RBM20: variants seen among roughly 807,000 people sequenced by gnomAD.
RBM20 encodes the protein RNA-binding protein 20.
A neutral mutation model predicts 110.1 loss-of-function variants in RBM20; 51 were observed. The ratio of observed to expected loss-of-function variants is 0.46; its 90% CI spans 0.37 to 0.59. The LOEUF (loss-of-function observed/expected upper bound fraction) is 0.59. Ranked by LOEUF, RBM20 falls within the 20% of genes least tolerant of loss-of-function variation. The pLI is 0.00. For synonymous variants in RBM20, 589 were observed against 618.2 expected (o/e 0.95, Z 0.70); for missense variants, 1,512 against 1,574.9 (o/e 0.96, Z 0.68).
chr10:110,812,785 C>A lies in RBM20; in HGVS notation c.2388C>A (p.Pro796=). 1.3e-6 allele frequency: 2 copies of A among 1,551,562 alleles called. No individual in the cohort carries two copies. The highest frequency in any genetic ancestry group is 1.7e-6 in the Non-Finnish European group (2 of 1,146,870). Residue 796 remains proline, a synonymous_variant, in exon 9 of 14, where the codon CCC becomes CCA. Transcript: ENST00000369519. ...DEARLRESRH[P]HPDDSGKEDG... The stretch of plus-strand genomic sequence containing the variant: ...CCAGGCTGCGGGAAAGCAGACACCC[C>A]CATCCGGATGACTCAGGCAAGGAAG...
intron 1 of RBM20, among the ~76,000 whole-genome samples, chr10:110,670,377 A>T (rs1383273197): frequency 6.6e-6 from 1 of 152,246 alleles, no homozygotes; most frequent in Admixed American, 6.5e-5. Context: ...GAAGTGAAGA[A>T]TGTGGCACAT....
intron 1 of RBM20, among the ~76,000 whole-genome samples, chr10:110,741,389 C>A (rs1229834203): frequency 1.3e-5 from 2 of 152,320 alleles, no homozygotes; most frequent in East Asian, 3.9e-4. Flanking sequence ...GGGACTGCAG[C>A]TGTTTCCACA....
intron 5 of RBM20, among the ~76,000 whole-genome samples, chr10:110,786,634 G>C (rs763016833): frequency 6.6e-6 from 1 of 152,204 alleles, no homozygotes; most frequent in South Asian, 2.1e-4. Context: ...TGGCAGCTTC[G>C]GGTCAGTCCC....
At chr10:110,799,439 T>C (rs1229648076) in intron 6 of RBM20, among the ~76,000 whole-genome samples, 1 of 152,214 alleles carries the variant, frequency 6.6e-6, no homozygotes, top group Non-Finnish European at 1.5e-5. Context: ...ATCTCTTCCT[T>C]GTGCTGACTT....
intron 1 of RBM20, among the ~76,000 whole-genome samples, chr10:110,680,422 G>A (rs531370259): frequency 6.6e-6 from 1 of 152,240 alleles, no homozygotes; most frequent in African/African-American, 2.4e-5. Context: ...CCATCTCAGG[G>A]GTTCGGTTCT....
At position 110,836,073 on chromosome 10, in the gene RBM20, C is replaced by G. The variant is rs766779799; in HGVS notation, c.*95C>G. On this transcript the variant is annotated 3_prime_UTR_variant, in exon 14 of 14. Coordinates refer to ENST00000369519, the MANE Select transcript of RBM20 (RefSeq NM_001134363.3). ...CCTGATTCTGGGGACAGGACTAAAG[C>G]CTGAGAGGAAGGAAAACCAAGCAGG... The G allele has an allele frequency of 1.3e-5, 8 of 593,534 alleles. No homozygotes were observed. The highest frequency in any genetic ancestry group is 2.4e-5 in the Non-Finnish European group (8 of 331,534). 36.8% of individuals were successfully genotyped at this position (593,534 alleles called of 1,614,324 possible). A position where few individuals can be genotyped will look rare whatever the true frequency, so the allele number is the denominator to read the frequency against.
At chr10:110,806,808 A>C (rs761986760) in intron 7 of RBM20, among the ~76,000 whole-genome samples, 5 of 152,076 alleles carry the variant, frequency 3.3e-5, no homozygotes, top group Non-Finnish European at 5.9e-5. Flanking sequence ...CTCCCATTTC[A>C]ATTTTTCTGG....
intron 1 of RBM20, among the ~76,000 whole-genome samples, chr10:110,767,481 C>G (rs1194786117): frequency 1.3e-5 from 2 of 150,692 alleles, no homozygotes; most frequent in African/African-American, 4.9e-5. Flanking sequence ...AGGGGCTCCT[C>G]ACTTCTCAGA....
At chr10:110,741,666 G>T (rs905038524) in intron 1 of RBM20, among the ~76,000 whole-genome samples, 1 of 152,080 alleles carries the variant, frequency 6.6e-6, no homozygotes, top group African/African-American at 2.4e-5. Context: ...CAACTCTGTG[G>T]CAGCCTGAAA....
At chr10:110,710,839 C>G (rs1264678855) in intron 1 of RBM20, among the ~76,000 whole-genome samples, 1 of 152,182 alleles carries the variant, frequency 6.6e-6, no homozygotes, top group Non-Finnish European at 1.5e-5. Context: ...ATGTGAGTCC[C>G]AGGCTCTGGA....
At position 110,812,420 on chromosome 10, in the gene RBM20, T is replaced by A. The variant is rs1426642111; in HGVS notation, c.2023T>A (p.Ser675Thr). The A allele has an allele frequency of 6.4e-7, 1 of 1,551,514 alleles. No individual in the cohort carries two copies. The highest frequency in any genetic ancestry group is 8.7e-7 in the Non-Finnish European group (1 of 1,146,960). Residue 675 changes from serine (S) to threonine (T), a missense_variant, in exon 9 of 14, where the codon TCC (serine) becomes ACC (threonine). Ser to Thr is a moderately conservative substitution (Grantham distance 58, BLOSUM62 1). Around this residue, in one of 3 missense-constraint regions of RBM20, gnomAD observed 1,149 missense variants for 1,169.4 expected, o/e 0.98. Coordinates refer to ENST00000369519, the MANE Select transcript of RBM20 (RefSeq NM_001134363.3). ...GGCTGACTGGGGCAATGGCCGGGAC[T>A]CCTGGGAGCACTCTCCCTATGCCAG... is the stretch of plus-strand genomic sequence containing the variant. ...SRADWGNGRD[S>T]WEHSPYARRE...
chr10:110,668,281 C>A (rs1262813080), intron 1 of RBM20, among the ~76,000 whole-genome samples: 1 of 152,078 alleles, frequency 6.6e-6, no homozygotes, highest in South Asian at 2.1e-4. Flanking sequence ...GGACCACTAG[C>A]CTAGCCCCCT....
At chr10:110,764,434 A>T (rs145714967) in intron 1 of RBM20, among the ~76,000 whole-genome samples, 1 of 152,330 alleles carries the variant, frequency 6.6e-6, no homozygotes, top group East Asian at 1.9e-4. Context: ...ACCTGTCTCC[A>T]TAGAGCTGGC....
At chr10:110,667,169 A>T (rs1862190831) in intron 1 of RBM20, among the ~76,000 whole-genome samples, 1 of 152,206 alleles carries the variant, frequency 6.6e-6, no homozygotes. Flanking sequence ...AGTGCCTGGC[A>T]AGAGGTGAGG....
chr10:110,720,311 G>C (rs1171252637), intron 1 of RBM20, among the ~76,000 whole-genome samples: 1 of 152,156 alleles, frequency 6.6e-6, no homozygotes, highest in Non-Finnish European at 1.5e-5. Flanking sequence ...TGGGAATCCT[G>C]TGTCCACCCG....
In RBM20 at chr10:110,745,323, C is replaced by T. The variant is rs139666913; in HGVS notation, c.192-35478C>T. On this transcript the variant is annotated intron_variant, in intron 1 of 13. Coordinates refer to ENST00000369519, the MANE Select transcript of RBM20 (RefSeq NM_001134363.3). ...GATCCCTGCAGGCTGCATTTCCAGG[C>T]GCCTGCTGGGTTTGAACAGTGCAAG... Among the ~76,000 whole-genome samples the T allele has an allele frequency of 1.8e-3, 281 of 152,276 alleles. 1 individual carries two copies. The highest frequency in any genetic ancestry group is 6.2e-3 in the African/African-American group (257 of 41,552).
At chr10:110,820,306 G>T in intron 10 of RBM20, 130 bp downstream of exon 10, 1 of 619,510 alleles carries the variant, frequency 1.6e-6, no homozygotes. Flanking sequence ...GAATGAACCA[G>T]TCCTCCTAGC....
chr10:110,828,255 C>T (rs1845006878), intron 12 of RBM20, among the ~76,000 whole-genome samples: 1 of 152,182 alleles, frequency 6.6e-6, no homozygotes, highest in African/African-American at 2.4e-5. Flanking sequence ...CACATCAGGG[C>T]CGGGGCAATA....
chr10:110,709,021 G>A (rs187901201), intron 1 of RBM20, among the ~76,000 whole-genome samples: 2 of 152,262 alleles, frequency 1.3e-5, no homozygotes, highest in East Asian at 1.9e-4. Flanking sequence ...ATTGTAGTGT[G>A]TCTTTGTTTC....
Sources: gnomAD v4.1 joint callset for allele counts (sites outside exome capture counted in the v4.1 genomes callset) on GRCh38, gnomAD v4.1.1 for gene constraint, gnomAD v4.1.1 regional missense constraint, MANE v1.5 for transcripts, NCBI Gene and HGNC (gene_info 2026-07-23, HGNC 2026-07-21) for gene names.